NMNAT2: variants seen among roughly 807,000 people sequenced by gnomAD.
NMNAT2 encodes the protein nicotinamide/nicotinic acid mononucleotide adenylyltransferase 2.
In NMNAT2, 11 loss-of-function variants were observed where a neutral mutation model predicts 41.6. That is an observed-to-expected ratio of 0.26 (90% CI 0.17 to 0.44). The LOEUF is 0.44. Among genes scored for constraint, NMNAT2 ranks in the 20% least tolerant of loss-of-function variants. The pLI, the probability that NMNAT2 is intolerant of heterozygous loss-of-function variation, is 1.00. For synonymous variants in NMNAT2, 148 were observed against 151.2 expected, an observed-to-expected ratio of 0.98 and a Z score of 0.16; for missense variants, 288 against 407.7, an observed-to-expected ratio of 0.71 and a Z score of 2.53.
rs1328284305 is a variant in NMNAT2, at chr1:183,255,660, G to GC, written c.822-2918_822-2917insG. 1.3e-3 allele frequency among the ~76,000 whole-genome samples: 151 copies of GC among 114,874 alleles called. 2 individuals carry two copies. Among genetic ancestry groups the GC allele is most frequent in the African/African-American group, 5.4e-3 (140 of 25,820 alleles). The allele number at this position is 114,874 out of a possible 152,430, so 75.4% of individuals were successfully genotyped here. A position where few individuals can be genotyped will look rare whatever the true frequency, so the allele number is the denominator to read the frequency against. ...CTTCCTTTGTTAAATTTATTCCTAAGGGTTTTTTTTTTTTTTTTTTTCAGA... is the reference window on the plus strand; with the variant it reads ...CTTCCTTTGTTAAATTTATTCCTAAGCGGTTTTTTTTTTTTTTTTTTTCAGA... On this transcript the variant is annotated intron_variant, in intron 10 of 10. Transcript: ENST00000287713.
chr1:183,264,629 C>T (rs1232277315), intron 8 of NMNAT2, among the ~76,000 whole-genome samples: 1 of 152,144 alleles, frequency 6.6e-6, no homozygotes, highest in Non-Finnish European at 1.5e-5. Flanking sequence ...ACGCCTTGCT[C>T]AATGAACTGC....
intron 1 of NMNAT2, among the ~76,000 whole-genome samples, chr1:183,331,643 C>T (rs1349424724): frequency 6.6e-6 from 1 of 152,356 alleles, no homozygotes; most frequent in East Asian, 1.9e-4. Context: ...CAGCCTCAGG[C>T]GTGAGCCTTC....
intron 1 of NMNAT2, among the ~76,000 whole-genome samples, chr1:183,344,539 T>C (rs944547225): frequency 2.6e-5 from 4 of 152,200 alleles, no homozygotes; most frequent in Admixed American, 2.0e-4. Context: ...TTCTCAACAC[T>C]CTACTTAGAG....
chr1:183,342,827 G>A (rs1053500590), intron 1 of NMNAT2, among the ~76,000 whole-genome samples: 1 of 151,886 alleles, frequency 6.6e-6, no homozygotes, highest in Non-Finnish European at 1.5e-5. Context: ...TTGACCTCCT[G>A]GGCTCAAGTG....
At chr1:183,319,950 C>G (rs1662325890) in intron 1 of NMNAT2, among the ~76,000 whole-genome samples, 2 of 152,210 alleles carry the variant, frequency 1.3e-5, no homozygotes, top group Admixed American at 6.5e-5. Flanking sequence ...CTATTAACAG[C>G]CTCTCCCCTT....
At chr1:183,363,642 A>G (rs1424291650) in intron 1 of NMNAT2, among the ~76,000 whole-genome samples, 2 of 152,210 alleles carry the variant, frequency 1.3e-5, no homozygotes, top group African/African-American at 4.8e-5. Flanking sequence ...TTGGATAAAT[A>G]CAAACTGTTT....
chr1:183,389,768 GA>G (rs1648390124), intron 1 of NMNAT2, among the ~76,000 whole-genome samples: 1 of 33,814 alleles, frequency 3.0e-5, no homozygotes, highest in Non-Finnish European at 6.1e-5. Context: ...AAGAAAGAAA[GA>G]AAGAAAGAAA....
intron 1 of NMNAT2, among the ~76,000 whole-genome samples, chr1:183,326,663 C>T (rs1484737616): frequency 6.6e-6 from 1 of 152,020 alleles, no homozygotes; most frequent in Non-Finnish European, 1.5e-5. Flanking sequence ...AAAAAGAAGT[C>T]ATTGGGGGAT....
At position 183,261,240 on chromosome 1, in the gene NMNAT2, G is replaced by C; in HGVS notation, c.715C>G (p.Arg239Gly). The C allele has an allele frequency of 6.2e-7, 1 of 1,614,072 alleles. No homozygotes were observed. The highest frequency in any genetic ancestry group is 2.2e-5 in the East Asian group (1 of 44,886). The change falls in exon 9 of 11, where the codon CGA (arginine) becomes GGA (glycine). Residue 239 changes from arginine (R) to glycine (G), a missense_variant. Coordinates refer to ENST00000287713, the MANE Select transcript of NMNAT2 (RefSeq NM_015039.4). ...VVPRDAADTDRIMNHSSILRK... is the reference protein window; with the variant it reads ...VVPRDAADTDGIMNHSSILRK... ...AGTATTGAGGAGTGATTCATGATTCGGTCTGTGTCGGCTGCATCCCGGGGC... is the reference window on the plus strand; with the variant it reads ...AGTATTGAGGAGTGATTCATGATTCCGTCTGTGTCGGCTGCATCCCGGGGC...
At chr1:183,410,742 T>C (rs1649093818) in intron 1 of NMNAT2, among the ~76,000 whole-genome samples, 1 of 135,672 alleles carries the variant, frequency 7.4e-6, no homozygotes, top group African/African-American at 2.6e-5. Flanking sequence ...TCTCTCTTTT[T>C]TTTAATTTCC....
chr1:183,269,433 T>C (rs1361262305), intron 8 of NMNAT2, among the ~76,000 whole-genome samples: 1 of 152,250 alleles, frequency 6.6e-6, no homozygotes, highest in Non-Finnish European at 1.5e-5. Context: ...CCTGGCAGGC[T>C]TAACTGGCAA....
At chr1:183,337,974 G>A (rs555173479) in intron 1 of NMNAT2, among the ~76,000 whole-genome samples, 9 of 152,022 alleles carry the variant, frequency 5.9e-5, no homozygotes, top group Non-Finnish European at 1.2e-4. Context: ...GGAATAAACT[G>A]GTTGTTCTCT....
At chr1:183,380,119 T>A (rs954047716) in intron 1 of NMNAT2, among the ~76,000 whole-genome samples, 3 of 152,246 alleles carry the variant, frequency 2.0e-5, no homozygotes, top group Admixed American at 2.0e-4. Flanking sequence ...TCATAAGGGC[T>A]CATGAGAGAG....
At chr1:183,264,759 AC>A (rs1161024547) in intron 8 of NMNAT2, among the ~76,000 whole-genome samples, 7 of 152,002 alleles carry the variant, frequency 4.6e-5, no homozygotes, top group African/African-American at 1.7e-4. Context: ...TCCAACGAGT[AC>A]CCATCTCCCT....
intron 1 of NMNAT2, among the ~76,000 whole-genome samples, chr1:183,382,239 G>T (rs554449049): frequency 1.3e-5 from 2 of 151,128 alleles, no homozygotes; most frequent in South Asian, 4.2e-4. Context: ...CAGATCTCAA[G>T]AGAACTCACT....
intron 8 of NMNAT2, chr1:183,266,499 G>T (rs1232826052): frequency 6.5e-6 from 1 of 153,134 alleles, no homozygotes; most frequent in Non-Finnish European, 1.5e-5. Context: ...GCACTAAGGT[G>T]GTTGGCAAGA....
At chr1:183,389,820 GA>G (rs1428027928) in intron 1 of NMNAT2, among the ~76,000 whole-genome samples, 6 of 55,218 alleles carry the variant, frequency 1.1e-4, no homozygotes, top group East Asian at 1.9e-3. Context: ...AAGAAAGAAA[GA>G]AAGAAAGAAA....
At chr1:183,365,841 T>C (rs985763968) in intron 1 of NMNAT2, among the ~76,000 whole-genome samples, 1 of 152,154 alleles carries the variant, frequency 6.6e-6, no homozygotes, top group Non-Finnish European at 1.5e-5. Flanking sequence ...GGGACACTTG[T>C]CACGATGTTT....
At chr1:183,254,878 T>C (rs1660478417) in intron 10 of NMNAT2, among the ~76,000 whole-genome samples, 1 of 152,248 alleles carries the variant, frequency 6.6e-6, no homozygotes, top group Admixed American at 6.5e-5. Context: ...CCTTTTCATT[T>C]TGTTGGTTGT....
Sources: allele counts gnomAD v4.1 joint callset (sites outside exome capture counted in the v4.1 genomes callset), GRCh38; gene constraint gnomAD v4.1.1; transcripts MANE v1.5; gene names NCBI Gene and HGNC (gene_info 2026-07-23, HGNC 2026-07-21).